PARD3B: variants seen among roughly 807,000 people sequenced by gnomAD.
PARD3B encodes the protein partitioning defective 3 homolog B.
In PARD3B, 103 loss-of-function variants were observed where a neutral mutation model predicts 130.2. The ratio of observed to expected loss-of-function variants is 0.79; its 90% CI spans 0.67 to 0.93. PARD3B has a LOEUF of 0.93. Ranked by LOEUF, PARD3B falls within the 40% of genes least tolerant of loss-of-function variation. PARD3B has a pLI of 0.00. For missense variants in PARD3B, 1,609 were observed against 1,499.2 expected (o/e 1.07, Z -1.21); for synonymous variants, 583 against 553.2 (o/e 1.05, Z -0.76).
At chr2:205,534,556 C>T (rs1356114931) in intron 21 of PARD3B, among the ~76,000 whole-genome samples, 1 of 152,114 alleles carries the variant, frequency 6.6e-6, no homozygotes, top group Non-Finnish European at 1.5e-5. Context: ...GCAACCTCCA[C>T]CTCCTGGGTT....
chr2:204,598,104 C>G (rs1332255558), intron 1 of PARD3B, among the ~76,000 whole-genome samples: 1 of 152,076 alleles, frequency 6.6e-6, no homozygotes, highest in Non-Finnish European at 1.5e-5. Flanking sequence ...CAGATTGTGA[C>G]CTTCTGCTTT....
chr2:205,124,495 A>T, intron 9 of PARD3B, 29 bp downstream of exon 9: 1 of 1,513,558 alleles, frequency 6.6e-7, no homozygotes, highest in Non-Finnish European at 8.9e-7. Flanking sequence ...AGTTGTATGA[A>T]AATATTTCTT....
Position 204,876,884 on chromosome 2 carries a change from A to C in PARD3B, c.223-88268A>C, listed in dbSNP as rs6749208. 2.6e-3 allele frequency among the ~76,000 whole-genome samples: 394 copies of C among 152,326 alleles called. 2 individuals are homozygous for C. Among genetic ancestry groups the C allele is most frequent in the African/African-American group, 9.0e-3 (374 of 41,582 alleles). ...CATATAACCATTTTATTTAAACTGAAGTACAGTGGACCCTTAACCTGTGTT... is the reference window on the plus strand; with the variant it reads ...CATATAACCATTTTATTTAAACTGACGTACAGTGGACCCTTAACCTGTGTT... On this transcript the variant is annotated intron_variant, in intron 2 of 22. Transcript: ENST00000406610.
chr2:205,246,379 A>AT (rs1344487371), intron 16 of PARD3B, among the ~76,000 whole-genome samples: 1 of 152,100 alleles, frequency 6.6e-6, no homozygotes, highest in Admixed American at 6.5e-5. Flanking sequence ...GGTCTTTATC[A>AT]TGTGTGAGTT....
At chr2:204,934,101 A>G (rs1432591255) in intron 2 of PARD3B, among the ~76,000 whole-genome samples, 1 of 152,180 alleles carries the variant, frequency 6.6e-6, no homozygotes, top group African/African-American at 2.4e-5. Context: ...AGTGACATCG[A>G]TGGGAAGGAA....
chr2:204,687,580 A>C (rs561117000), intron 2 of PARD3B, among the ~76,000 whole-genome samples: 4 of 151,994 alleles, frequency 2.6e-5, no homozygotes, highest in Non-Finnish European at 5.9e-5. Flanking sequence ...TCTACACTTG[A>C]CTCTTGCTGT....
intron 3 of PARD3B, among the ~76,000 whole-genome samples, chr2:204,966,355 C>A (rs558055868): frequency 6.6e-6 from 1 of 152,098 alleles, no homozygotes; most frequent in African/African-American, 2.4e-5. Context: ...CTTTTGGAAC[C>A]GAGCTAGTGA....
At chr2:204,730,696 C>G (rs1483784484) in intron 2 of PARD3B, among the ~76,000 whole-genome samples, 1 of 151,826 alleles carries the variant, frequency 6.6e-6, no homozygotes, top group African/African-American at 2.4e-5. Flanking sequence ...CTGTATTAAA[C>G]ACAGATGGAA....
intron 3 of PARD3B, among the ~76,000 whole-genome samples, chr2:204,994,927 G>T (rs1262569124): frequency 6.0e-5 from 9 of 151,048 alleles, no homozygotes; most frequent in East Asian, 5.9e-4. Flanking sequence ...GTTTTCCATT[G>T]GCTTGGTAGA....
intron 3 of PARD3B, among the ~76,000 whole-genome samples, chr2:204,974,474 T>C (rs1465383493): frequency 6.6e-6 from 1 of 152,186 alleles, no homozygotes; most frequent in East Asian, 1.9e-4. Context: ...AGAAAGTTGT[T>C]TTTATATTTT....
chr2:205,177,947 G>A (rs1178332144), intron 13 of PARD3B, among the ~76,000 whole-genome samples: 3 of 151,622 alleles, frequency 2.0e-5, no homozygotes, highest in Admixed American at 2.0e-4. Flanking sequence ...CCACAGCATG[G>A]GTCTGACTTA....
intron 1 of PARD3B, among the ~76,000 whole-genome samples, chr2:204,631,542 C>G (rs751126926): frequency 4.6e-5 from 7 of 152,170 alleles, no homozygotes; most frequent in Non-Finnish European, 7.3e-5. Flanking sequence ...CCACTGTGCC[C>G]AGCTGGGTCT....
intron 3 of PARD3B, among the ~76,000 whole-genome samples, chr2:205,046,601 A>G (rs1381014993): frequency 2.6e-5 from 4 of 152,138 alleles, no homozygotes; most frequent in African/African-American, 7.2e-5. Context: ...AGGTTTGTAA[A>G]TAACCTACAA....
chr2:205,583,879 A>G (rs1055796461), intron 22 of PARD3B, among the ~76,000 whole-genome samples: 2 of 152,136 alleles, frequency 1.3e-5, no homozygotes, highest in Non-Finnish European at 1.5e-5. Flanking sequence ...TGTCTACACA[A>G]CCTGTGCCTG....
rs115452291 is a variant in PARD3B, at chr2:204,873,941, G to A, written c.223-91211G>A. ...GCGGATCACTTGAGGTCAGGAGTTC[G>A]GGACCAGCCTGGTTAATATGGTGAA... On this transcript the variant is annotated intron_variant, in intron 2 of 22. Transcript: ENST00000406610. Among the ~76,000 whole-genome samples, 552 of 152,108 alleles carry A rather than the reference G, an allele frequency of 3.6e-3. 2 individuals are homozygous for A. The highest frequency in any genetic ancestry group is 0.013 in the African/African-American group (529 of 41,520).
At chr2:205,075,683 CA>C (rs55720496) in intron 4 of PARD3B, among the ~76,000 whole-genome samples, 49,107 of 139,392 alleles carry the variant, frequency 0.35, 7,966 homozygotes, top group Middle Eastern at 0.53. Context: ...GCCATTCTAA[CA>C]AAAAAAAAAA....
chr2:204,904,762 A>G (rs1169868924), intron 2 of PARD3B, among the ~76,000 whole-genome samples: 1 of 151,824 alleles, frequency 6.6e-6, no homozygotes, highest in East Asian at 1.9e-4. Flanking sequence ...TATGTTCTCT[A>G]CTTTTTATTT....
intron 21 of PARD3B, among the ~76,000 whole-genome samples, chr2:205,527,771 G>A (rs1367496767): frequency 1.3e-5 from 2 of 152,136 alleles, no homozygotes; most frequent in East Asian, 3.9e-4. Context: ...GAATTGGGCA[G>A]CATTGTTTCT....
chr2:205,036,375 T>A (rs1324820580), intron 3 of PARD3B, among the ~76,000 whole-genome samples: 1 of 140,928 alleles, frequency 7.1e-6, no homozygotes. Context: ...ATAAAATATA[T>A]ATAGCAGACT....
Sources: gnomAD v4.1 joint callset for allele counts (sites outside exome capture counted in the v4.1 genomes callset) on GRCh38, gnomAD v4.1.1 for gene constraint, MANE v1.5 for transcripts, NCBI Gene and HGNC (gene_info 2026-07-23, HGNC 2026-07-21) for gene names.